AP4S1: variants seen among roughly 807,000 people sequenced by gnomAD.
AP4S1 encodes adaptor related protein complex 4 subunit sigma 1, also known as AP-4 complex subunit sigma-1.
Under a neutral mutation model 19.8 loss-of-function variants are expected in AP4S1, and 23 were observed. That is an observed-to-expected ratio of 1.16 (90% CI 0.84 to 1.65). AP4S1 has a LOEUF of 1.65. Ranked by LOEUF, AP4S1 falls within the 40% of genes most tolerant of loss-of-function variation. AP4S1 has a pLI of 0.00. For synonymous variants in AP4S1, 46 were observed against 54.1 expected, an observed-to-expected ratio of 0.85 and a Z score of 0.66; for missense variants, 166 against 172.8, an observed-to-expected ratio of 0.96 and a Z score of 0.22.
At chr14:31,028,818 G>T (rs1884208326) in intron 1 of AP4S1, among the ~76,000 whole-genome samples, 2 of 152,148 alleles carry the variant, frequency 1.3e-5, no homozygotes, top group East Asian at 3.9e-4. Context: ...GGAGGCAGAG[G>T]GGGCAGTGAG....
At chr14:31,076,271 G>T (rs1157950166) in intron 4 of AP4S1, among the ~76,000 whole-genome samples, 2 of 152,154 alleles carry the variant, frequency 1.3e-5, no homozygotes, top group Non-Finnish European at 2.9e-5. Flanking sequence ...TTCCCATCAG[G>T]AGTGCATGAG....
chr14:31,028,394 T>C lies in AP4S1; in HGVS notation c.-72+2607T>C, dbSNP rs143090789. 5.9e-5 allele frequency among the ~76,000 whole-genome samples: 9 copies of C among 152,132 alleles called. No homozygotes were observed. In the East Asian group the frequency reaches 1.7e-3, roughly 29 times the overall value. On this transcript the variant is annotated intron_variant, in intron 1 of 5. Transcript: ENST00000542754. ...GGTTTTGTCATGATGCCCAGGCTAG[T>C]CTCCAACTCCTGGCTCAAGTGGTCC...
chr14:31,073,154 T>A lies in AP4S1; in HGVS notation c.294+181T>A, dbSNP rs1449204107. 2.3e-5 allele frequency: 14 copies of A among 619,146 alleles called. No homozygotes were observed. In the Admixed American group the frequency reaches 3.5e-4, roughly 16 times the overall value. 38.4% of individuals were successfully genotyped at this position (619,146 alleles called of 1,614,324 possible). On this transcript the variant is annotated intron_variant, in intron 4 of 5. Transcript: ENST00000542754. ...TGGTTTATCCAAAGTGTTACAAGCC[T>A]ATACATGCCTGAGATCTTTATAAAG... is the stretch of plus-strand genomic sequence containing the variant.
intron 1 of AP4S1, among the ~76,000 whole-genome samples, chr14:31,031,911 A>G (rs1261682534): frequency 7.7e-6 from 1 of 129,222 alleles, no homozygotes. Flanking sequence ...AGCCTATGCA[A>G]CATGGGGAGA....
chr14:31,029,378 TCCTACAGTCTAATCTA>T (rs1305091241), intron 1 of AP4S1, among the ~76,000 whole-genome samples: 3 of 152,366 alleles, frequency 2.0e-5, no homozygotes, highest in Admixed American at 2.0e-4. Context: ...TCTAGATCCA[TCCTACAGTCTAATCTA>T]CCATAACACT....
intron 3 of AP4S1, among the ~76,000 whole-genome samples, chr14:31,071,124 C>G (rs1250494312): frequency 3.3e-5 from 5 of 152,100 alleles, no homozygotes; most frequent in Admixed American, 3.3e-4. Flanking sequence ...TACATCACCC[C>G]AAATTTATTT....
chr14:31,033,560 A>G (rs943085830), intron 1 of AP4S1, among the ~76,000 whole-genome samples: 1 of 152,236 alleles, frequency 6.6e-6, no homozygotes, highest in African/African-American at 2.4e-5. Context: ...ATTAGACTCC[A>G]GAGGAAGATC....
In AP4S1 at chr14:31,085,312, G is replaced by T. The variant is rs527536058; in HGVS notation, c.306+4728G>T. 2.0e-5 allele frequency: 20 copies of T among 998,118 alleles called. 1 individual carries two copies. The South Asian group carries it at 8.5e-4, about 42-fold the overall frequency. 61.8% of individuals were successfully genotyped at this position (998,118 alleles called of 1,614,324 possible). The stretch of plus-strand genomic sequence containing the variant: ...CACCTTCACCCCAAGACTAGGGGCA[G>T]GAATGATAAGAAGGCTGGGTGGTAG... On this transcript the variant is annotated intron_variant, in intron 5 of 5. Transcript: ENST00000542754.
At chr14:31,092,710 G>A (rs1888108047) in intron 5 of AP4S1, among the ~76,000 whole-genome samples, 197 bp from the exon 6 acceptor site, 2 of 152,064 alleles carry the variant, frequency 1.3e-5, no homozygotes, top group South Asian at 2.1e-4. Context: ...GCTTAACCAA[G>A]GTGAAACTAG....
chr14:31,081,957 A>G (rs1243837283), intron 5 of AP4S1, among the ~76,000 whole-genome samples: 1 of 152,100 alleles, frequency 6.6e-6, no homozygotes, highest in Non-Finnish European at 1.5e-5. Context: ...TCAGCCTCCC[A>G]AAGTGCTGGG....
intron 1 of AP4S1, among the ~76,000 whole-genome samples, chr14:31,031,103 C>G (rs966326688): frequency 3.9e-5 from 6 of 152,106 alleles, no homozygotes; most frequent in African/African-American, 1.2e-4. Flanking sequence ...GGCTCTTCTC[C>G]CTTCAATTTC....
Position 31,038,515 on chromosome 14 carries a change from G to A in AP4S1, c.-72+12728G>A, listed in dbSNP as rs967997763. 3.3e-5 allele frequency among the ~76,000 whole-genome samples: 5 copies of A among 152,260 alleles called. 1 individual carries two copies. In the South Asian group the frequency reaches 8.3e-4, roughly 25 times the overall value. On this transcript the variant is annotated intron_variant, in intron 1 of 5. Transcript: ENST00000542754. The stretch of plus-strand genomic sequence containing the variant: ...TACAAAAGGTTGGATTTAAACGAGC[G>A]AATGGGGAGTGAAATTGTACATCCA...
chr14:31,080,136 T>C (rs1396578129), intron 4 of AP4S1, among the ~76,000 whole-genome samples: 1 of 152,242 alleles, frequency 6.6e-6, no homozygotes, highest in Non-Finnish European at 1.5e-5. Context: ...TTATTATCCA[T>C]AATTTGCTAT....
chr14:31,081,557 T>G (rs1305078157), intron 5 of AP4S1, among the ~76,000 whole-genome samples: 1 of 152,154 alleles, frequency 6.6e-6, no homozygotes. Flanking sequence ...ATTTTTAAGT[T>G]TATTTTTTAC....
rs555488579 is a variant in AP4S1, at chr14:31,056,173, C to T, written c.-71-9953C>T. 2.2e-4 allele frequency among the ~76,000 whole-genome samples: 34 copies of T among 151,666 alleles called. No individual in the cohort carries two copies. In the East Asian group the frequency reaches 3.9e-3, roughly 18 times the overall value. ...TCATTTTCATTTCTAAATCTACATA[C>T]TCTACTTTTTGTTTTCTCTTTAGAG... On this transcript the variant is annotated intron_variant, in intron 1 of 5. Transcript: ENST00000542754.
intron 1 of AP4S1, 136 bp from the exon 2 acceptor site, chr14:31,065,990 T>C: frequency 2.0e-6 from 1 of 498,158 alleles, no homozygotes; most frequent in Non-Finnish European, 3.6e-6. Context: ...CTCAATTAGT[T>C]CATAGGAATA....
rs540055043 is a variant in AP4S1 at position 31,078,128 on chromosome 14, G to A, written c.295-2445G>A. Among the ~76,000 whole-genome samples the A allele has an allele frequency of 5.3e-5, 8 of 152,298 alleles. No individual in the cohort carries two copies. The East Asian group carries it at 5.8e-4, about 11-fold the overall frequency. On this transcript the variant is annotated intron_variant, in intron 4 of 5. Coordinates refer to ENST00000542754, the MANE Select transcript of AP4S1 (RefSeq NM_001128126.3). ...CATCTAGCCAGGAAGGGGTTGGTGC[G>A]TTCCAAAGCTGAAAGATACCAAGAG...
intron 4 of AP4S1, chr14:31,073,300 C>G (rs535862525): frequency 1.1e-5 from 3 of 270,588 alleles, no homozygotes; most frequent in East Asian, 9.1e-5. Context: ...ACCATCCTGG[C>G]TAATACGGTG....
intron 1 of AP4S1, among the ~76,000 whole-genome samples, chr14:31,039,682 C>T (rs2139444122): frequency 6.6e-6 from 1 of 151,246 alleles, no homozygotes; most frequent in Admixed American, 6.6e-5. Flanking sequence ...ACGCCATTCT[C>T]CGGGTTCACG....
Sources: allele counts gnomAD v4.1 joint callset (sites outside exome capture counted in the v4.1 genomes callset), GRCh38; gene constraint gnomAD v4.1.1; transcripts MANE v1.5; gene names NCBI Gene and HGNC (gene_info 2026-07-23, HGNC 2026-07-21).